The following SH2D5 variants were observed in gnomAD, a reference collection of about 807,000 sequenced individuals.
The protein encoded by SH2D5 is SH2 domain-containing protein 5.
A neutral mutation model predicts 48.2 loss-of-function variants in SH2D5; 45 were observed. The observed-to-expected ratio is 0.93, with a 90% CI of 0.73 to 1.20. The LOEUF (loss-of-function observed/expected upper bound fraction) is 1.20. Among genes scored for constraint, SH2D5 ranks in the 50% most tolerant of loss-of-function variants. The probability of loss-of-function intolerance (pLI) is 0.00; values close to 1 mark genes in which losing one functional copy is unlikely to be tolerated. For missense variants in SH2D5, 538 were observed against 584.1 expected (o/e 0.92, Z 0.81); for synonymous variants, 230 against 249.8 (o/e 0.92, Z 0.75).
chr1:20,726,196 A>C, intron 4 of SH2D5, 130 bp from the exon 5 acceptor site: 3 of 1,176,514 alleles, frequency 2.5e-6, no homozygotes, highest in Non-Finnish European at 3.5e-6. Flanking sequence ...CATCCTTCAC[A>C]TGGGCCCTGG....
At chr1:20,723,948 C>G in intron 7 of SH2D5, 135 bp downstream of exon 7, 1 of 1,184,594 alleles carries the variant, frequency 8.4e-7, no homozygotes, top group Non-Finnish European at 1.2e-6. Flanking sequence ...CAAACACACA[C>G]AGTGCACAGG....
rs1480439813 is a variant in SH2D5, at chr1:20,729,372, T to C, written c.-42-1286A>G. 6.6e-6 allele frequency among the ~76,000 whole-genome samples: 1 copy of C among 152,222 alleles called. No homozygotes were observed. Among genetic ancestry groups the C allele is most frequent in the Non-Finnish European group, 1.5e-5 (1 of 68,036 alleles). On this transcript the variant is annotated intron_variant, in intron 1 of 9. Coordinates refer to ENST00000444387, the MANE Select transcript of SH2D5 (RefSeq NM_001103161.2). This position sits in a 1 kb window ranked among gnomAD's most constrained non-coding sequence, Gnocchi z 4.2. The stretch of plus-strand genomic sequence containing the variant: ...TCACTGACTTGGGATCAGAGAGTCC[T>C]GGGTCCAAATCCTGTGTGACTTTGG...
rs978022214 is a variant in SH2D5 at position 20,728,214 on chromosome 1, G to A, written c.-42-128C>T. On this transcript the variant is annotated intron_variant, in intron 1 of 9. Transcript: ENST00000444387. The surrounding 1 kb of genome is among the most constrained non-coding windows in gnomAD (Gnocchi z 4.3). ...TGCAGCACGGCTGCGCAATGTCCCGGGCCCTGGGGAGCCAGCCCAGAAGAA... is the reference window on the plus strand; with the variant it reads ...TGCAGCACGGCTGCGCAATGTCCCGAGCCCTGGGGAGCCAGCCCAGAAGAA... 1.3e-5 allele frequency: 8 copies of A among 601,286 alleles called. No individual in the cohort carries two copies. The highest frequency in any genetic ancestry group is 2.4e-5 in the Non-Finnish European group (8 of 339,008). The allele number at this position is 601,286 out of a possible 1,614,324, so 37.2% of individuals were successfully genotyped here.
intron 7 of SH2D5, 25 bp downstream of exon 7, chr1:20,724,058 G>A (rs2054743666): frequency 1.2e-6 from 2 of 1,602,862 alleles, no homozygotes; most frequent in African/African-American, 1.3e-5. Context: ...GGTACACACA[G>A]GGCAGGCATG....
rs778523981 is a variant in SH2D5 at position 20,724,189 on chromosome 1, C to T, written c.693G>A (p.Ser231=). 33 of 1,612,856 alleles carry T rather than the reference C, an allele frequency of 2.0e-5. No individual in the cohort carries two copies. Among genetic ancestry groups the T allele is most frequent in the South Asian group, 1.5e-4 (14 of 91,082 alleles). Residue 231 remains serine (S), a synonymous_variant, in exon 7 of 10, where the codon TCG becomes TCA. Transcript: ENST00000444387. ...TGGCCTTCTTGCGCACCAGCGTGGG[C>T]GAGCAGTAGGGATTCCCCAGGCGGG... ...RHARLGNPYC[S]PTLVRKKAIR... is the part of the protein sequence containing the mutation.
intron 3 of SH2D5, 39 bp downstream of exon 3, chr1:20,727,484 G>A (rs1259344305): frequency 7.7e-6 from 12 of 1,554,170 alleles, no homozygotes; most frequent in African/African-American, 4.1e-5. Context: ...CTTCAAGGCT[G>A]TGACTTCCAC....
rs199950908 is a variant in SH2D5 at position 20,724,638 on chromosome 1, G to A, written c.391-3C>T. 608 of 1,551,614 alleles carry A rather than the reference G, an allele frequency of 3.9e-4. No homozygotes were observed. The highest frequency in any genetic ancestry group is 4.9e-4 in the Non-Finnish European group (565 of 1,150,762). The stretch of plus-strand genomic sequence containing the variant: ...AGCAGCAGGTGCAGGATCTGGACCT[G>A]GGAGGGAGGGAGAGAGGTGGGCTCA... On this transcript the variant is annotated splice_region_variant and splice_polypyrimidine_tract_variant and intron_variant, in intron 5 of 9. Transcript: ENST00000444387.
At chr1:20,725,808 G>T in intron 5 of SH2D5, 112 bp downstream of exon 5, 1 of 1,341,046 alleles carries the variant, frequency 7.5e-7, no homozygotes, top group Non-Finnish European at 1.0e-6. Context: ...AGGGGTGCAT[G>T]CCTGGAGGGG....
Position 20,722,935 on chromosome 1 carries a change from A to G in SH2D5, c.909-20T>C. The G allele has an allele frequency of 6.5e-7, 1 of 1,545,786 alleles. No individual in the cohort carries two copies. On this transcript the variant is annotated intron_variant, in intron 8 of 9. Coordinates refer to ENST00000444387, the MANE Select transcript of SH2D5 (RefSeq NM_001103161.2). ...CAGGGCCTAGGAGCACAGAGGGGAG[A>G]GAGTAAAGGCTGGACTGCTCTCCTG...
Position 20,730,075 on chromosome 1 carries a change from G to A in SH2D5, c.-42-1989C>T, listed in dbSNP as rs377142327. Among the ~76,000 whole-genome samples the A allele has an allele frequency of 4.2e-4, 64 of 152,250 alleles. 1 individual carries two copies. The highest frequency in any genetic ancestry group is 1.2e-3 in the African/African-American group (48 of 41,556). Reference sequence around the variant, plus strand: ...GGGGAGGGGGGCTTCCAGTGAAGCCGCCTTTCAACTTCACAGTCACATCCT... The same window carrying A: ...GGGGAGGGGGGCTTCCAGTGAAGCCACCTTTCAACTTCACAGTCACATCCT... On this transcript the variant is annotated intron_variant, in intron 1 of 9. Transcript: ENST00000444387.
intron 1 of SH2D5, among the ~76,000 whole-genome samples, chr1:20,731,845 G>A (rs1478993033): frequency 1.3e-5 from 2 of 152,182 alleles, no homozygotes; most frequent in South Asian, 2.1e-4. Flanking sequence ...ACCCAGGAGC[G>A]TGCTGGGCTC....
intron 4 of SH2D5, among the ~76,000 whole-genome samples, chr1:20,726,660 G>A (rs780376905): frequency 3.3e-4 from 51 of 152,266 alleles, no homozygotes; most frequent in Non-Finnish European, 5.3e-4. Flanking sequence ...GCAGCCTACC[G>A]CACCTGGGTG....
chr1:20,724,091 C>G lies in SH2D5; in HGVS notation c.791G>C (p.Arg264Pro), dbSNP rs368532178. Reference sequence around the variant, plus strand: ...ATGTTCCCACAACTCACAGGCCTCCCGAGCCGACAGCTGCAGCTGGGTCTC... The same window carrying G: ...ATGTTCCCACAACTCACAGGCCTCCGGAGCCGACAGCTGCAGCTGGGTCTC... The part of the protein sequence containing the change: ...TYETQLQLSA[R>P]EAFPAAWEAW... Residue 264 changes from arginine (R) to proline (P), a missense_variant, in exon 7 of 10, where the codon CGG (arginine) becomes CCG (proline). By Grantham distance (103) the Arg-to-Pro change is moderately radical (BLOSUM62 -2). Transcript: ENST00000444387. 2 of 1,610,646 alleles carry G rather than the reference C, an allele frequency of 1.2e-6. No homozygotes were observed. Among genetic ancestry groups the G allele is most frequent in the Non-Finnish European group, 8.5e-7 (1 of 1,178,532 alleles).
intron 1 of SH2D5, chr1:20,731,164 G>C (rs1344208086): frequency 6.6e-6 from 1 of 152,538 alleles, no homozygotes; most frequent in Non-Finnish European, 1.5e-5. Flanking sequence ...GTCCCTGCCA[G>C]TCCACGAGGA....
Position 20,721,294 on chromosome 1 carries a change from C to T in SH2D5, c.*498G>A, listed in dbSNP as rs2054677979. 6.5e-6 allele frequency: 1 copy of T among 154,338 alleles called. No homozygotes were observed. The allele number at this position is 154,338 out of a possible 1,614,324, so 9.6% of individuals were successfully genotyped here. ...TCATCCCCAGCCTCCTGCCCACAAGCTCCATGGAGTCATCTCTGCTCTCAT... is the reference window on the plus strand; with the variant it reads ...TCATCCCCAGCCTCCTGCCCACAAGTTCCATGGAGTCATCTCTGCTCTCAT... On this transcript the variant is annotated 3_prime_UTR_variant, in exon 10 of 10. Coordinates refer to ENST00000444387, the MANE Select transcript of SH2D5 (RefSeq NM_001103161.2).
intron 3 of SH2D5, 157 bp downstream of exon 3, chr1:20,727,366 C>A: frequency 1.3e-6 from 1 of 756,288 alleles, no homozygotes; most frequent in Non-Finnish European, 2.2e-6. Context: ...AGGGATGGGG[C>A]CCCTGGAGCC....
rs2054788062 is a variant in SH2D5 at position 20,725,907 on chromosome 1, A to G, written c.390+13T>C. The G allele has an allele frequency of 6.2e-7, 1 of 1,612,376 alleles. No homozygotes were observed. Among genetic ancestry groups the G allele is most frequent in the Non-Finnish European group, 8.5e-7 (1 of 1,179,694 alleles). ...GGCCTCCGTGGCGGTCCCCTGCCTC[A>G]AGCCCCAGATACCTCTCCTGGCTGG... On this transcript the variant is annotated intron_variant, in intron 5 of 9. Coordinates refer to ENST00000444387, the MANE Select transcript of SH2D5 (RefSeq NM_001103161.2).
chr1:20,726,659 C>T (rs898336440), intron 4 of SH2D5, among the ~76,000 whole-genome samples: 8 of 152,242 alleles, frequency 5.3e-5, no homozygotes, highest in East Asian at 1.9e-4. Context: ...AGCAGCCTAC[C>T]GCACCTGGGT....
At chr1:20,722,203 G>C (rs1331103084) in intron 9 of SH2D5, among the ~76,000 whole-genome samples, 1 of 152,190 alleles carries the variant, frequency 6.6e-6, no homozygotes, top group African/African-American at 2.4e-5. Flanking sequence ...TTGGAAGTAA[G>C]GGTACACATG....
Sources: gnomAD v4.1 joint callset for allele counts (sites outside exome capture counted in the v4.1 genomes callset) on GRCh38, gnomAD v4.1.1 for gene constraint, Gnocchi (gnomAD v3.1) non-coding constraint, MANE v1.5 for transcripts, NCBI Gene and HGNC (gene_info 2026-07-23, HGNC 2026-07-21) for gene names.